The following PHYHD1 variants were observed in gnomAD, a reference collection of about 807,000 sequenced individuals.
PHYHD1 encodes phytanoyl-CoA dioxygenase domain containing 1, also known as phytanoyl-CoA dioxygenase domain-containing protein 1.
A neutral mutation model predicts 43.6 loss-of-function variants in PHYHD1; 42 were observed. The ratio of observed to expected loss-of-function variants is 0.96; its 90% CI spans 0.75 to 1.25. The LOEUF (loss-of-function observed/expected upper bound fraction) is 1.25. PHYHD1 is among the 50% of genes most tolerant of loss of function. PHYHD1 has a pLI of 0.00. For missense variants in PHYHD1, 342 were observed against 370.8 expected (o/e 0.92, Z 0.64); for synonymous variants, 139 against 143.6 (o/e 0.97, Z 0.23).
intron 4 of PHYHD1, 130 bp downstream of exon 4, chr9:128,927,326 T>TC: frequency 9.5e-7 from 1 of 1,056,156 alleles, no homozygotes; most frequent in Non-Finnish European, 1.4e-6. Flanking sequence ...TACACACCTT[T>TC]CCCTCGCTCC....
rs189784014 is a variant in PHYHD1 at position 128,921,651 on chromosome 9, A to G, written c.-177A>G. The G allele has an allele frequency of 6.6e-6, 1 of 152,308 alleles. No homozygotes were observed. The highest frequency in any genetic ancestry group is 2.4e-5 in the African/African-American group (1 of 41,454). The allele number at this position is 152,308 out of a possible 1,614,324, so 9.4% of individuals were successfully genotyped here. A position where few individuals can be genotyped will look rare whatever the true frequency, so the allele number is the denominator to read the frequency against. On this transcript the variant is annotated 5_prime_UTR_variant, in exon 1 of 13. Coordinates refer to ENST00000372592, the MANE Select transcript of PHYHD1 (RefSeq NM_001100876.2). ...TGTGCCAGCCCGACTTGAGATGCCA[A>G]GTATCTTGGGCCTGAGGGTGGGTAA...
intron 3 of PHYHD1, among the ~76,000 whole-genome samples, chr9:128,925,286 C>T (rs1421749270): frequency 2.0e-5 from 3 of 150,644 alleles, no homozygotes; most frequent in East Asian, 3.9e-4. Context: ...AGCGCAGTGG[C>T]GTGATCTCAG....
At chr9:128,938,718 C>T (rs1263502164) in intron 9 of PHYHD1, among the ~76,000 whole-genome samples, 1 of 117,954 alleles carries the variant, frequency 8.5e-6, no homozygotes, top group African/African-American at 2.6e-5. Flanking sequence ...CCACCGCGCC[C>T]GGCCCTGGAA....
Position 128,940,383 on chromosome 9 carries a change from G to A in PHYHD1, c.472G>A (p.Asp158Asn), listed in dbSNP as rs755360598. The change falls in exon 10 of 13, where the codon GAC (aspartate) becomes AAC (asparagine). Residue 158 changes from aspartate (D) to asparagine (N), a missense_variant. By Grantham distance (23) the Asp-to-Asn change is conservative. Transcript: ENST00000372592. Reference sequence around the variant, plus strand: ...GGCCTGCTTAGTCTCCCCTCATCAGGACGCCTCCTTCCTGTACACGGAGCC... The same window carrying A: ...GGCCTGCTTAGTCTCCCCTCATCAGAACGCCTCCTTCCTGTACACGGAGCC... ...HFGGEVSPHQDASFLYTEPLG... is the reference protein window; with the variant it reads ...HFGGEVSPHQNASFLYTEPLG... 2.0e-5 allele frequency: 33 copies of A among 1,614,056 alleles called. No individual in the cohort carries two copies. The highest frequency in any genetic ancestry group is 2.6e-5 in the Non-Finnish European group (31 of 1,180,046).
At chr9:128,930,235 G>A (rs925711169) in intron 4 of PHYHD1, among the ~76,000 whole-genome samples, 4 of 150,308 alleles carry the variant, frequency 2.7e-5, no homozygotes, top group African/African-American at 9.8e-5. Flanking sequence ...AGCCAAGATT[G>A]CGCCACTGGA....
At chr9:128,932,819 C>CGTTATTTA (rs1168989180) in intron 4 of PHYHD1, among the ~76,000 whole-genome samples, 1 of 125,960 alleles carries the variant, frequency 7.9e-6, no homozygotes, top group African/African-American at 3.3e-5. Context: ...TATTATTATT[C>CGTTATTTA]CTTATTTATT....
chr9:128,928,529 C>A (rs951091921), intron 4 of PHYHD1, among the ~76,000 whole-genome samples: 1 of 151,900 alleles, frequency 6.6e-6, no homozygotes, highest in Non-Finnish European at 1.5e-5. Context: ...ATGGTGAAAC[C>A]CTGTTTCTAC....
In PHYHD1 at chr9:128,921,194, C is replaced by T. The variant is rs986662693; in HGVS notation, c.-634C>T. ...TGGCATGATCTCGGCTCACTGCAAC[C>T]TCCGCCTCCTGGGTTCAAGCGATTC... On this transcript the variant is annotated 5_prime_UTR_variant, in exon 1 of 13. Transcript: ENST00000372592. 2.6e-5 allele frequency: 4 copies of T among 152,420 alleles called. No homozygotes were observed. The highest frequency in any genetic ancestry group is 5.9e-5 in the Non-Finnish European group (4 of 68,180). The allele number at this position is 152,420 out of a possible 1,614,324, so 9.4% of individuals were successfully genotyped here.
chr9:128,922,409 G>C, intron 3 of PHYHD1, 53 bp downstream of exon 3: 1 of 1,537,332 alleles, frequency 6.5e-7, no homozygotes, highest in Non-Finnish European at 8.8e-7. Flanking sequence ...GGTCCCTGCC[G>C]GACCTTCAGT....
intron 3 of PHYHD1, among the ~76,000 whole-genome samples, chr9:128,924,235 T>G (rs1485707369): frequency 6.6e-6 from 1 of 151,228 alleles, no homozygotes; most frequent in African/African-American, 2.4e-5. Flanking sequence ...GCTAACATGG[T>G]GAAACCCCGT....
intron 3 of PHYHD1, among the ~76,000 whole-genome samples, chr9:128,926,483 C>T (rs1359158432): frequency 6.6e-6 from 1 of 151,924 alleles, no homozygotes; most frequent in African/African-American, 2.4e-5. Flanking sequence ...GAACTCCCGA[C>T]CTTAAGTGAT....
chr9:128,932,568 C>A (rs1055460387), intron 4 of PHYHD1, among the ~76,000 whole-genome samples: 9 of 151,526 alleles, frequency 5.9e-5, no homozygotes, highest in African/African-American at 2.2e-4. Flanking sequence ...GGTTTCTCCA[C>A]GTAGGTCAGG....
At chr9:128,934,546 A>C (rs372607987) in intron 6 of PHYHD1, among the ~76,000 whole-genome samples, 1 of 152,090 alleles carries the variant, frequency 6.6e-6, no homozygotes, top group African/African-American at 2.4e-5. Context: ...AGGTGGGTGG[A>C]TCACCTGAGG....
intron 4 of PHYHD1, among the ~76,000 whole-genome samples, chr9:128,932,180 TA>T (rs201238143): frequency 0.034 from 4,358 of 129,738 alleles, 213 homozygotes; most frequent in East Asian, 0.074. Context: ...TTATTATTAT[TA>T]TTATTTTTTT....
intron 4 of PHYHD1, among the ~76,000 whole-genome samples, chr9:128,932,172 A>ATTTTTTTTTTTTTT (rs1367583651): frequency 4.8e-5 from 5 of 104,232 alleles, no homozygotes; most frequent in African/African-American, 2.2e-4. Context: ...TATTATTGTT[A>ATTTTTTTTTTTTTT]TTATTATTAT....
At chr9:128,940,811 T>A in intron 11 of PHYHD1, 96 bp downstream of exon 11, 1 of 1,233,366 alleles carries the variant, frequency 8.1e-7, no homozygotes, top group Non-Finnish European at 1.1e-6. Context: ...CTCGGGGTCA[T>A]CTGAGGGCAG....
chr9:128,934,142 C>A, intron 6 of PHYHD1, 84 bp downstream of exon 6: 1 of 1,422,822 alleles, frequency 7.0e-7, no homozygotes, highest in Non-Finnish European at 9.8e-7. Context: ...CTAACTAACA[C>A]TTTGAGAAGT....
chr9:128,941,962 CT>C lies in PHYHD1; in HGVS notation c.*250del. 1.7e-6 allele frequency: 1 copy of C among 575,084 alleles called. No homozygotes were observed. The allele number at this position is 575,084 out of a possible 1,614,324, so 35.6% of individuals were successfully genotyped here. A position where few individuals can be genotyped will look rare whatever the true frequency, so the allele number is the denominator to read the frequency against. ...AGCCACCAAAGGGTTCTGGCCCCTT[CT>C]CACTCTCCTCTCCTCTCAGATGGAA... On this transcript the variant is annotated 3_prime_UTR_variant, in exon 13 of 13. Coordinates refer to ENST00000372592, the MANE Select transcript of PHYHD1 (RefSeq NM_001100876.2).
intron 3 of PHYHD1, among the ~76,000 whole-genome samples, chr9:128,923,697 AAAC>A (rs1321519046): frequency 1.2e-4 from 18 of 152,168 alleles, no homozygotes; most frequent in Non-Finnish European, 1.0e-4. Context: ...AATCCTCCTA[AAAC>A]AATTCCTAGC....
Sources: gnomAD v4.1 joint callset for allele counts (sites outside exome capture counted in the v4.1 genomes callset) on GRCh38, gnomAD v4.1.1 for gene constraint, MANE v1.5 for transcripts, NCBI Gene and HGNC (gene_info 2026-07-23, HGNC 2026-07-21) for gene names.